Variants in WDR47 observed in about 807,000 individuals in gnomAD.
The protein encoded by WDR47 is WD repeat-containing protein 47.
Under a neutral mutation model 97.2 loss-of-function variants are expected in WDR47, and 32 were observed. The ratio of observed to expected loss-of-function variants is 0.33; its 90% CI spans 0.25 to 0.44. The LOEUF is 0.44. Ranked by LOEUF, WDR47 falls within the 20% of genes least tolerant of loss-of-function variation. The pLI is 1.00. For missense variants in WDR47, 782 were observed against 1,102.3 expected (o/e 0.71, Z 4.11); for synonymous variants, 375 against 373.5 (o/e 1.00, Z -0.05).
intron 1 of WDR47, among the ~76,000 whole-genome samples, chr1:109,025,578 A>G (rs1484258475): frequency 6.6e-6 from 1 of 152,022 alleles, no homozygotes; most frequent in Non-Finnish European, 1.5e-5. Context: ...TACTAAAAAT[A>G]CAAAAATTAG....
chr1:108,998,820 G>C (rs1659947714), intron 7 of WDR47, among the ~76,000 whole-genome samples: 1 of 152,090 alleles, frequency 6.6e-6, no homozygotes, highest in African/African-American at 2.4e-5. Context: ...ATAAAACATT[G>C]AGAGGAAAAA....
At chr1:108,990,000 A>T (rs1659192548) in intron 9 of WDR47, among the ~76,000 whole-genome samples, 2 of 152,010 alleles carry the variant, frequency 1.3e-5, no homozygotes, top group Admixed American at 1.3e-4. Flanking sequence ...CAGCCTTAAA[A>T]TTTTTTTAAA....
At chr1:109,025,125 C>G (rs982701835) in intron 1 of WDR47, 1 of 152,078 alleles carries the variant, frequency 6.6e-6, no homozygotes, top group African/African-American at 2.4e-5. Flanking sequence ...CTCTCATCAG[C>G]AGATGAGTAC....
At chr1:109,030,213 C>A (rs1662523927) in intron 1 of WDR47, 2 of 1,550,068 alleles carry the variant, frequency 1.3e-6, no homozygotes, top group East Asian at 4.6e-5. Context: ...TTTAGCCATG[C>A]ACAAATGGTA....
intron 1 of WDR47, among the ~76,000 whole-genome samples, chr1:109,026,115 T>C (rs909583492): frequency 5.9e-5 from 9 of 152,134 alleles, no homozygotes; most frequent in South Asian, 2.1e-4. Flanking sequence ...TGCATGACCA[T>C]GGCCCACTGC....
At chr1:108,973,945 G>A (rs1191546225) in intron 14 of WDR47, among the ~76,000 whole-genome samples, 1 of 151,482 alleles carries the variant, frequency 6.6e-6, no homozygotes, top group Non-Finnish European at 1.5e-5. Flanking sequence ...TATAATCCCA[G>A]CACTCTGGGA....
intron 9 of WDR47, among the ~76,000 whole-genome samples, chr1:108,990,572 A>G (rs1659248689): frequency 6.6e-6 from 1 of 152,098 alleles, no homozygotes. Flanking sequence ...TTTGCAAGGG[A>G]CAAATATTCC....
Position 109,036,836 on chromosome 1 carries a change from A to AAAAT in WDR47, c.-10+5022_-10+5025dup, listed in dbSNP as rs528938167. On this transcript the variant is annotated intron_variant, in intron 1 of 14. Transcript: ENST00000369962. ...GGGCGACAGAGTGAGACTCCATCTCAAAATAAATAAATAAATAAATAATAA... is the reference window on the plus strand; with the variant it reads ...GGGCGACAGAGTGAGACTCCATCTCAAAATAAATAAATAAATAAATAAATAATAA... Among the ~76,000 whole-genome samples, 316 of 152,170 alleles carry AAAAT rather than the reference A, an allele frequency of 2.1e-3. 1 individual carries two copies. The highest frequency in any genetic ancestry group is 7.1e-3 in the African/African-American group (297 of 41,542).
intron 2 of WDR47, among the ~76,000 whole-genome samples, chr1:109,019,929 A>C (rs1212014304): frequency 6.6e-6 from 1 of 152,218 alleles, no homozygotes; most frequent in Non-Finnish European, 1.5e-5. Flanking sequence ...TAGGATTAAC[A>C]ATATGCTGCA....
At chr1:108,973,753 G>A (rs1243345015) in intron 14 of WDR47, among the ~76,000 whole-genome samples, 2 of 152,050 alleles carry the variant, frequency 1.3e-5, no homozygotes, top group African/African-American at 2.4e-5. Flanking sequence ...CCATGGTGGT[G>A]CACAGATGTA....
At position 108,971,362 on chromosome 1, in the gene WDR47, G is replaced by C; in HGVS notation, c.*68C>G. The stretch of plus-strand genomic sequence containing the variant: ...CCTGGACACTATGTTCTTCAGATTT[G>C]TAATTTTCACAACTCAGTAGTCTTA... On this transcript the variant is annotated 3_prime_UTR_variant, in exon 15 of 15. Coordinates refer to ENST00000369962, the MANE Select transcript of WDR47 (RefSeq NM_001142551.2). 6.3e-7 allele frequency: 1 copy of C among 1,591,776 alleles called. No homozygotes were observed. The highest frequency in any genetic ancestry group is 1.1e-5 in the South Asian group (1 of 88,884).
rs1011706314 is a variant in WDR47 at position 108,983,785 on chromosome 1, T to A, written c.1926-334A>T. Among the ~76,000 whole-genome samples the A allele has an allele frequency of 2.4e-4, 36 of 150,686 alleles. No individual in the cohort carries two copies. The East Asian group carries it at 3.3e-3, about 14-fold the overall frequency. ...AAAAAGCTAACAATGCTTCCAAATT[T>A]AAAAAAAAAATGCAATAAGCATGTA... is the stretch of plus-strand genomic sequence containing the variant. On this transcript the variant is annotated intron_variant, in intron 10 of 14. Coordinates refer to ENST00000369962, the MANE Select transcript of WDR47 (RefSeq NM_001142551.2).
chr1:109,037,882 A>G (rs1216571059), intron 1 of WDR47, among the ~76,000 whole-genome samples: 1 of 151,532 alleles, frequency 6.6e-6, no homozygotes, highest in African/African-American at 2.4e-5. Flanking sequence ...TCTCTTTGAG[A>G]CTGGGTCTCA....
In WDR47 at chr1:108,983,288, C is replaced by G. The variant is rs141314928; in HGVS notation, c.2089G>C (p.Ala697Pro). 56 of 1,603,644 alleles carry G rather than the reference C, an allele frequency of 3.5e-5. No homozygotes were observed. In the African/African-American group the frequency reaches 7.2e-4, roughly 21 times the overall value. The change falls in exon 11 of 15, where the codon GCA (alanine) becomes CCA (proline). Residue 697 changes from alanine to proline, a missense_variant. By Grantham distance (27) the Ala-to-Pro change is conservative. Transcript: ENST00000369962. ...TTACATACTTGGGCCCTACCTGTTG[C>G]GTTACAAGTCTCTGCATTGAAGGGC... ...VLPFNAETCN[A>P]TGPDLEFSMH...
chr1:109,006,772 C>T (rs1337461279), intron 5 of WDR47, among the ~76,000 whole-genome samples: 1 of 152,114 alleles, frequency 6.6e-6, no homozygotes, highest in Non-Finnish European at 1.5e-5. Context: ...GCATTTCAAG[C>T]TTACATATTT....
intron 7 of WDR47, among the ~76,000 whole-genome samples, chr1:109,001,250 C>G (rs759797834): frequency 6.6e-6 from 1 of 152,138 alleles, no homozygotes; most frequent in African/African-American, 2.4e-5. Flanking sequence ...GATCGCGCCA[C>G]TGTACTCCAG....
intron 9 of WDR47, among the ~76,000 whole-genome samples, chr1:108,990,602 T>C (rs534939795): frequency 2.2e-4 from 33 of 152,290 alleles, no homozygotes; most frequent in Admixed American, 4.6e-4. Context: ...ATCATAAAAA[T>C]GGTCAATTTT....
chr1:108,998,240 T>C (rs1240811558), intron 7 of WDR47, among the ~76,000 whole-genome samples: 2 of 152,154 alleles, frequency 1.3e-5, no homozygotes, highest in Non-Finnish European at 2.9e-5. Context: ...CAGTGGCTCA[T>C]GTCCGTAATC....
At chr1:109,025,448 A>G (rs1425799887) in intron 1 of WDR47, among the ~76,000 whole-genome samples, 1 of 141,442 alleles carries the variant, frequency 7.1e-6, no homozygotes, top group Non-Finnish European at 1.5e-5. Flanking sequence ...AAAAAAAAAA[A>G]AAGAAGGCTG....
Sources: gnomAD v4.1 joint callset for allele counts (sites outside exome capture counted in the v4.1 genomes callset) on GRCh38, gnomAD v4.1.1 for gene constraint, MANE v1.5 for transcripts, NCBI Gene and HGNC (gene_info 2026-07-23, HGNC 2026-07-21) for gene names.